EEFSEC: variants seen among roughly 807,000 people sequenced by gnomAD.
EEFSEC encodes the protein selenocysteine-specific elongation factor.
A neutral mutation model predicts 42.1 loss-of-function variants in EEFSEC; 43 were observed. The observed-to-expected ratio is 1.02, with a 90% CI of 0.80 to 1.32. The LOEUF is 1.32. Ranked by LOEUF, EEFSEC falls within the 40% of genes most tolerant of loss-of-function variation. The pLI is 0.00. For synonymous variants in EEFSEC, 354 were observed against 339.1 expected (o/e 1.04, Z -0.48); for missense variants, 745 against 803.6 (o/e 0.93, Z 0.88).
intron 1 of EEFSEC, among the ~76,000 whole-genome samples, chr3:128,174,101 C>T (rs960885456): frequency 2.0e-5 from 3 of 152,298 alleles, no homozygotes; most frequent in East Asian, 1.9e-4. Context: ...TTGCTCTGGC[C>T]GCTGCTCTCA....
At chr3:128,203,006 A>T (rs756067651) in intron 1 of EEFSEC, among the ~76,000 whole-genome samples, 9 of 152,192 alleles carry the variant, frequency 5.9e-5, no homozygotes, top group Non-Finnish European at 1.2e-4. Context: ...TTCCCTCTAA[A>T]CATTACCTCA....
intron 6 of EEFSEC, among the ~76,000 whole-genome samples, chr3:128,390,119 T>C (rs896480213): frequency 6.6e-6 from 1 of 152,252 alleles, no homozygotes; most frequent in Non-Finnish European, 1.5e-5. Context: ...GTGCTTTGCC[T>C]CATGAACAGT....
chr3:128,410,025 C>A (rs73861081), downstream of EEFSEC, among the ~76,000 whole-genome samples: 6,211 of 152,298 alleles, frequency 0.041, 186 homozygotes, highest in African/African-American at 0.083. Context: ...TCCAGGAGGG[C>A]TTCAGTCAGC....
downstream of EEFSEC, among the ~76,000 whole-genome samples, chr3:128,410,205 C>T (rs1465840934): frequency 6.6e-6 from 1 of 152,160 alleles, no homozygotes; most frequent in Non-Finnish European, 1.5e-5. Context: ...ACTTCTTAGG[C>T]GAGGAAACCT....
At chr3:128,260,483 A>G (rs368502063) in intron 2 of EEFSEC, among the ~76,000 whole-genome samples, 1 of 152,220 alleles carries the variant, frequency 6.6e-6, no homozygotes, top group African/African-American at 2.4e-5. Context: ...ATTTTCAACA[A>G]ACTCCCCCAG....
intron 1 of EEFSEC, among the ~76,000 whole-genome samples, chr3:128,157,335 G>T (rs886472663): frequency 6.6e-6 from 1 of 152,240 alleles, no homozygotes; most frequent in Non-Finnish European, 1.5e-5. Flanking sequence ...TGGTGATAGA[G>T]AAGCTGCAGC....
chr3:128,381,800 C>A (rs7637571), intron 6 of EEFSEC, among the ~76,000 whole-genome samples: 3,559 of 152,218 alleles, frequency 0.023, 133 homozygotes, highest in African/African-American at 0.082. Context: ...ACCCAGGAGA[C>A]CTGGCCCGGG....
At chr3:128,281,031 C>G (rs1408536062) in intron 4 of EEFSEC, among the ~76,000 whole-genome samples, 1 of 152,186 alleles carries the variant, frequency 6.6e-6, no homozygotes, top group Non-Finnish European at 1.5e-5. Flanking sequence ...TTCATTACCC[C>G]CTCCGCTTCA....
At chr3:128,220,596 C>T (rs982951568) in intron 1 of EEFSEC, among the ~76,000 whole-genome samples, 1 of 152,166 alleles carries the variant, frequency 6.6e-6, no homozygotes, top group East Asian at 1.9e-4. Context: ...TGCAAGAAGC[C>T]TCCTGTGCCA....
downstream of EEFSEC, among the ~76,000 whole-genome samples, chr3:128,412,879 A>T (rs1347284788): frequency 6.6e-6 from 1 of 151,964 alleles, no homozygotes; most frequent in East Asian, 1.9e-4. Flanking sequence ...CGGGGAGGTG[A>T]TGGGGGCGCT....
intron 3 of EEFSEC, among the ~76,000 whole-genome samples, chr3:128,263,290 G>A (rs1029866278): frequency 5.3e-5 from 8 of 152,222 alleles, no homozygotes; most frequent in Admixed American, 2.0e-4. Context: ...CGAGTTACAC[G>A]GTGGAGCTGG....
intron 4 of EEFSEC, among the ~76,000 whole-genome samples, chr3:128,284,961 A>G (rs1377626225): frequency 1.3e-5 from 2 of 151,896 alleles, no homozygotes; most frequent in African/African-American, 2.4e-5. Context: ...AAGGATTTTA[A>G]GCAGGGGAAG....
intron 1 of EEFSEC, among the ~76,000 whole-genome samples, chr3:128,190,275 GT>G (rs1216934529): frequency 6.6e-6 from 1 of 152,204 alleles, no homozygotes; most frequent in African/African-American, 2.4e-5. Context: ...CTCCATGCAT[GT>G]TACTGCCTCT....
chr3:128,179,297 A>G (rs1381618077), intron 1 of EEFSEC, among the ~76,000 whole-genome samples: 1 of 152,156 alleles, frequency 6.6e-6, no homozygotes, highest in East Asian at 1.9e-4. Flanking sequence ...GCTGTTTGCA[A>G]AACTACTTAA....
chr3:128,243,206 G>A (rs762280640), intron 1 of EEFSEC, among the ~76,000 whole-genome samples: 18 of 152,170 alleles, frequency 1.2e-4, no homozygotes, highest in Non-Finnish European at 2.1e-4. Flanking sequence ...CACGGGGTCC[G>A]CTCAAGAGCC....
intron 2 of EEFSEC, 91 bp from the exon 3 acceptor site, chr3:128,262,037 C>T (rs1324531936): frequency 4.2e-6 from 5 of 1,179,382 alleles, no homozygotes; most frequent in East Asian, 4.7e-5. Flanking sequence ...ATGCTCACTG[C>T]ACTTGGTACT....
At chr3:128,253,155 G>A (rs1306335022) in intron 2 of EEFSEC, among the ~76,000 whole-genome samples, 2 of 152,188 alleles carry the variant, frequency 1.3e-5, no homozygotes, top group Non-Finnish European at 2.9e-5. Flanking sequence ...ACTATATATT[G>A]CCCAAAAGGG....
intron 4 of EEFSEC, among the ~76,000 whole-genome samples, chr3:128,286,683 C>T (rs2107976647): frequency 6.6e-6 from 1 of 152,336 alleles, no homozygotes; most frequent in South Asian, 2.1e-4. Context: ...TCAGCTACTT[C>T]TCCAAGGAGC....
chr3:128,330,397 A>G (rs1576642816), intron 4 of EEFSEC, among the ~76,000 whole-genome samples: 2 of 151,904 alleles, frequency 1.3e-5, no homozygotes, highest in Admixed American at 1.3e-4. Flanking sequence ...AGCAAAATAA[A>G]CCCAGCCTGT....
Sources: allele counts gnomAD v4.1 joint callset (sites outside exome capture counted in the v4.1 genomes callset), GRCh38; gene constraint gnomAD v4.1.1; transcripts MANE v1.5; gene names NCBI Gene and HGNC (gene_info 2026-07-23, HGNC 2026-07-21).